VPS41: variants seen among roughly 807,000 people sequenced by gnomAD.
The protein encoded by VPS41 is vacuolar protein sorting-associated protein 41 homolog.
Under a neutral mutation model 130.9 loss-of-function variants are expected in VPS41, and 85 were observed. The observed-to-expected ratio is 0.65, with a 90% CI of 0.55 to 0.78. The LOEUF (loss-of-function observed/expected upper bound fraction) is 0.78. Among genes scored for constraint, VPS41 ranks in the 30% least tolerant of loss-of-function variants. The probability of loss-of-function intolerance (pLI) is 0.00; values close to 1 mark genes in which losing one functional copy is unlikely to be tolerated. For missense variants in VPS41, 874 were observed against 1,018.7 expected (o/e 0.86, Z 1.93); for synonymous variants, 335 against 332.9 (o/e 1.01, Z -0.07).
intron 5 of VPS41, among the ~76,000 whole-genome samples, chr7:38,821,763 T>G (rs991150248): frequency 6.6e-6 from 1 of 150,470 alleles, no homozygotes; most frequent in Non-Finnish European, 1.5e-5. Context: ...TCCCATCAGG[T>G]TGAGGGTACT....
At chr7:38,792,185 G>A (rs1224822037) in intron 9 of VPS41, among the ~76,000 whole-genome samples, 3 of 152,176 alleles carry the variant, frequency 2.0e-5, no homozygotes, top group African/African-American at 7.2e-5. Flanking sequence ...TGTCTCATAG[G>A]TAGGAAGTGG....
chr7:38,900,651 G>A (rs758963988), intron 1 of VPS41, among the ~76,000 whole-genome samples: 2 of 152,188 alleles, frequency 1.3e-5, no homozygotes, highest in African/African-American at 2.4e-5. Flanking sequence ...ATTTGACACC[G>A]TGAGGCAGGA....
chr7:38,776,788 AG>A lies in VPS41; in HGVS notation c.785-13del. ...TTCAAACTGAGACACTGCAAACAAA[AG>A]GGATACAGGAGTCATCATCAACAGG... On this transcript the variant is annotated splice_polypyrimidine_tract_variant and intron_variant, in intron 10 of 28. Coordinates refer to ENST00000310301, the MANE Select transcript of VPS41 (RefSeq NM_014396.4). 1 of 1,513,614 alleles carries A rather than the reference AG, an allele frequency of 6.6e-7. No homozygotes were observed. Among genetic ancestry groups the A allele is most frequent in the Non-Finnish European group, 9.2e-7 (1 of 1,089,618 alleles). The allele number at this position is 1,513,614 out of a possible 1,614,324, so 93.8% of individuals were successfully genotyped here.
intron 3 of VPS41, among the ~76,000 whole-genome samples, chr7:38,866,018 T>C (rs867823582): frequency 2.0e-5 from 3 of 152,066 alleles, no homozygotes; most frequent in African/African-American, 4.8e-5. Context: ...TGAAGGAAAA[T>C]AGACAAGTTC....
chr7:38,881,142 A>G (rs962778574), intron 2 of VPS41, among the ~76,000 whole-genome samples: 9 of 152,216 alleles, frequency 5.9e-5, no homozygotes, highest in Non-Finnish European at 1.0e-4. Context: ...TGTAGATTAG[A>G]AGTCTGACAC....
chr7:38,743,100 A>G (rs2115643280), intron 24 of VPS41, among the ~76,000 whole-genome samples: 1 of 152,194 alleles, frequency 6.6e-6, no homozygotes, highest in South Asian at 2.1e-4. Context: ...CACCAACACA[A>G]CCCAGATGAC....
chr7:38,791,180 T>G (rs1784528440), intron 9 of VPS41, among the ~76,000 whole-genome samples: 1 of 152,208 alleles, frequency 6.6e-6, no homozygotes, highest in Non-Finnish European at 1.5e-5. Flanking sequence ...GCCTGTCCAC[T>G]TCTCCAATTT....
intron 10 of VPS41, among the ~76,000 whole-genome samples, chr7:38,777,522 T>TA (rs1562583026): frequency 6.6e-6 from 1 of 152,196 alleles, no homozygotes; most frequent in Admixed American, 6.5e-5. Flanking sequence ...CTATAAAATA[T>TA]AAAAGATCAT....
intron 3 of VPS41, among the ~76,000 whole-genome samples, chr7:38,867,678 T>A (rs1039838686): frequency 2.6e-5 from 4 of 152,110 alleles, no homozygotes; most frequent in Non-Finnish European, 4.4e-5. Context: ...AATGACATCA[T>A]CCTCTAAGAA....
intron 1 of VPS41, among the ~76,000 whole-genome samples, chr7:38,903,449 G>T (rs1259068416): frequency 6.6e-6 from 1 of 152,144 alleles, no homozygotes; most frequent in Non-Finnish European, 1.5e-5. Flanking sequence ...GGGAGAAATG[G>T]TAGCCTGGGG....
chr7:38,754,630 C>T (rs369276726), intron 21 of VPS41, 72 bp downstream of exon 21: 65 of 1,253,122 alleles, frequency 5.2e-5, no homozygotes, highest in East Asian at 1.6e-4. Context: ...GTATCCTCCT[C>T]GCACCAATAC....
intron 14 of VPS41, among the ~76,000 whole-genome samples, chr7:38,770,339 C>G (rs922985549): frequency 6.6e-6 from 1 of 151,338 alleles, no homozygotes; most frequent in African/African-American, 2.4e-5. Context: ...CTCTCTGCCT[C>G]TTCACATATG....
At chr7:38,871,488 T>C (rs1786359697) in intron 2 of VPS41, among the ~76,000 whole-genome samples, 1 of 152,202 alleles carries the variant, frequency 6.6e-6, no homozygotes, top group Non-Finnish European at 1.5e-5. Context: ...AAACAAACCC[T>C]ACTGAGAGTT....
intron 1 of VPS41, among the ~76,000 whole-genome samples, chr7:38,900,945 G>A (rs536485205): frequency 7.2e-5 from 11 of 152,304 alleles, no homozygotes; most frequent in Admixed American, 3.9e-4. Context: ...CAAAGAAGAC[G>A]TAAAGTAAAT....
At chr7:38,738,168 T>C (rs1167319783) in intron 25 of VPS41, among the ~76,000 whole-genome samples, 2 of 152,186 alleles carry the variant, frequency 1.3e-5, no homozygotes, top group African/African-American at 4.8e-5. Flanking sequence ...ATGCTTGCTA[T>C]TTTCTTTTCC....
intron 2 of VPS41, among the ~76,000 whole-genome samples, chr7:38,887,001 A>G (rs1786746036): frequency 6.6e-6 from 1 of 152,166 alleles, no homozygotes; most frequent in Admixed American, 6.5e-5. Flanking sequence ...AAAGGACATC[A>G]ACACCAAAAT....
chr7:38,905,755 T>C (rs1270326482), intron 1 of VPS41, among the ~76,000 whole-genome samples: 1 of 152,170 alleles, frequency 6.6e-6, no homozygotes, highest in Non-Finnish European at 1.5e-5. Context: ...AAAAGTTCAA[T>C]AGAACAGTTA....
chr7:38,894,876 G>C (rs1212176232), intron 2 of VPS41, among the ~76,000 whole-genome samples: 1 of 152,144 alleles, frequency 6.6e-6, no homozygotes, highest in Non-Finnish European at 1.5e-5. Flanking sequence ...TAGGACATTA[G>C]GCAATCAAGC....
chr7:38,755,615 C>T (rs1783775268), intron 19 of VPS41, among the ~76,000 whole-genome samples: 2 of 152,122 alleles, frequency 1.3e-5, no homozygotes, highest in African/African-American at 2.4e-5. Flanking sequence ...GCTGTCTGCT[C>T]CAAATGTTAC....
Sources: allele counts gnomAD v4.1 joint callset (sites outside exome capture counted in the v4.1 genomes callset), GRCh38; gene constraint gnomAD v4.1.1; transcripts MANE v1.5; gene names NCBI Gene and HGNC (gene_info 2026-07-23, HGNC 2026-07-21).